USP49: variants seen among roughly 807,000 people sequenced by gnomAD.
The protein encoded by USP49 is ubiquitin carboxyl-terminal hydrolase 49.
A neutral mutation model predicts 58.6 loss-of-function variants in USP49; 24 were observed. The ratio of observed to expected loss-of-function variants is 0.41; its 90% confidence interval spans 0.30 to 0.58. USP49 has a LOEUF of 0.58. Ranked by LOEUF, USP49 falls within the 20% of genes least tolerant of loss-of-function variation. The pLI, the probability that USP49 is intolerant of heterozygous loss-of-function variation, is 0.30. For synonymous variants in USP49, 408 were observed against 365.1 expected (o/e 1.12, Z -1.34); for missense variants, 703 against 866.1 (o/e 0.81, Z 2.36).
At chr6:41,861,767 C>T (rs1233281873) in intron 3 of USP49, among the ~76,000 whole-genome samples, 4 of 150,732 alleles carry the variant, frequency 2.7e-5, no homozygotes, top group South Asian at 2.1e-4. Flanking sequence ...GCAGTGATCT[C>T]GGCTCACTGC....
At chr6:41,873,612 C>CA (rs1301587285) in intron 2 of USP49, among the ~76,000 whole-genome samples, 2 of 152,090 alleles carry the variant, frequency 1.3e-5, no homozygotes, top group African/African-American at 4.8e-5. Flanking sequence ...ATAAGAACAC[C>CA]AAAAAATTTA....
intron 7 of USP49, chr6:41,797,868 C>T (rs530523216): frequency 1.3e-5 from 12 of 941,668 alleles, no homozygotes; most frequent in African/African-American, 1.1e-4. Context: ...GGCAACTGCT[C>T]TTCTTATTTA....
intron 5 of USP49, among the ~76,000 whole-genome samples, chr6:41,802,475 AT>A (rs1326428600): frequency 4.5e-5 from 3 of 66,642 alleles, no homozygotes; most frequent in Admixed American, 1.7e-4. Context: ...TTTATTTTTT[AT>A]TTATTTTTTT....
intron 3 of USP49, among the ~76,000 whole-genome samples, chr6:41,831,493 T>C (rs1773633953): frequency 6.6e-6 from 1 of 151,440 alleles, no homozygotes; most frequent in Admixed American, 6.6e-5. Flanking sequence ...AGCAGGAGAA[T>C]TGCTTGAACC....
intron 2 of USP49, among the ~76,000 whole-genome samples, chr6:41,879,638 A>G (rs1246625064): frequency 6.6e-6 from 1 of 152,206 alleles, no homozygotes; most frequent in African/African-American, 2.4e-5. Flanking sequence ...ATTACTAGAG[A>G]GACTCTGGAC....
chr6:41,806,437 CCTT>C lies in USP49; in HGVS notation c.544_546del (p.Lys182del). 1.3e-6 allele frequency: 2 copies of C among 1,585,604 alleles called. No homozygotes were observed. Among genetic ancestry groups the C allele is most frequent in the Non-Finnish European group, 8.5e-7 (1 of 1,174,328 alleles). ...TCGCGCCGCCGCCTCCGCGCCTCCTCCTTCTTGCGCTCCAGGGCCTCCTCCTGC... is the reference window on the plus strand; with the variant it reads ...TCGCGCCGCCGCCTCCGCGCCTCCTCCTTGCGCTCCAGGGCCTCCTCCTGC... On this transcript the variant is annotated inframe_deletion, in exon 4 of 8. Coordinates refer to ENST00000682992, the MANE Select transcript of USP49 (RefSeq NM_001286554.2). The surrounding 1 kb of genome is among the most constrained non-coding windows in gnomAD (Gnocchi z 5.9).
intron 4 of USP49, 62 bp from the exon 5 acceptor site, chr6:41,804,072 C>A: frequency 6.7e-7 from 1 of 1,496,968 alleles, no homozygotes; most frequent in Non-Finnish European, 9.1e-7. Context: ...TACAGTTTTA[C>A]TTGCTTCATA....
intron 5 of USP49, among the ~76,000 whole-genome samples, chr6:41,802,468 A>ATTT (rs1178634996): frequency 8.1e-5 from 6 of 73,926 alleles, no homozygotes; most frequent in East Asian, 3.8e-4. Context: ...TTATTTATTT[A>ATTT]TTTTTTATTT....
chr6:41,818,810 C>T (rs950584730), intron 3 of USP49, among the ~76,000 whole-genome samples: 1 of 152,166 alleles, frequency 6.6e-6, no homozygotes, highest in African/African-American at 2.4e-5. Context: ...ATCTCATTTG[C>T]TAACTCTTCC....
intron 3 of USP49, among the ~76,000 whole-genome samples, chr6:41,866,904 T>C (rs982618564): frequency 6.6e-6 from 1 of 152,096 alleles, no homozygotes; most frequent in African/African-American, 2.4e-5. Flanking sequence ...TTGAAAGATA[T>C]GTGCAATAAG....
intron 3 of USP49, among the ~76,000 whole-genome samples, chr6:41,823,217 G>A (rs931509218): frequency 7.9e-5 from 12 of 152,192 alleles, no homozygotes; most frequent in African/African-American, 2.9e-4. Flanking sequence ...GTGGGATGGA[G>A]ATGGAAAGGA....
Position 41,798,793 on chromosome 6 carries a change from C to T in USP49, c.1807G>A (p.Val603Met). The T allele has an allele frequency of 6.2e-7, 1 of 1,614,036 alleles. No individual in the cohort carries two copies. The highest frequency in any genetic ancestry group is 8.5e-7 in the Non-Finnish European group (1 of 1,180,018). ...KETFAYDLSA[V>M]VMHHGKGFGS... ...AACCCTTTCCCGTGATGCATGACCA[C>T]TGCGGAGAGATCATAGGCAAAGGTC... The change falls in exon 7 of 8, where the codon GTG (valine) becomes ATG (methionine). Residue 603 changes from valine to methionine, a missense_variant. Transcript: ENST00000682992.
chr6:41,802,874 A>C (rs1284497800), intron 5 of USP49, among the ~76,000 whole-genome samples: 5 of 152,200 alleles, frequency 3.3e-5, no homozygotes, highest in Non-Finnish European at 1.5e-5. Flanking sequence ...CAGACAACAC[A>C]GAAATACTTC....
chr6:41,821,374 A>G (rs899613388), intron 3 of USP49, among the ~76,000 whole-genome samples: 2 of 152,164 alleles, frequency 1.3e-5, no homozygotes, highest in Non-Finnish European at 2.9e-5. Context: ...TTTCCTGATT[A>G]TCTCTGTCTT....
chr6:41,888,352 G>A (rs1774753100), intron 2 of USP49, among the ~76,000 whole-genome samples: 2 of 151,264 alleles, frequency 1.3e-5, no homozygotes, highest in Admixed American at 6.6e-5. Context: ...CACTGTGCCT[G>A]GCCTACAATC....
chr6:41,828,534 C>A (rs1415156340), intron 3 of USP49, among the ~76,000 whole-genome samples: 1 of 152,082 alleles, frequency 6.6e-6, no homozygotes, highest in Non-Finnish European at 1.5e-5. Context: ...ATTACATATT[C>A]CAAGAGATCA....
intron 3 of USP49, among the ~76,000 whole-genome samples, chr6:41,849,191 A>C (rs1773976388): frequency 6.6e-6 from 1 of 152,198 alleles, no homozygotes; most frequent in East Asian, 1.9e-4. Flanking sequence ...AATAGATTTT[A>C]AATAAAAAAC....
At chr6:41,802,455 T>C (rs1427492027) in intron 5 of USP49, among the ~76,000 whole-genome samples, 3 of 95,024 alleles carry the variant, frequency 3.2e-5, no homozygotes, top group Admixed American at 1.3e-4. Flanking sequence ...TTTATTTATT[T>C]ATTTATTTAT....
chr6:41,851,379 A>C (rs563328274), intron 3 of USP49, among the ~76,000 whole-genome samples: 16 of 152,332 alleles, frequency 1.1e-4, no homozygotes, highest in African/African-American at 3.8e-4. Flanking sequence ...ATAAGGACAA[A>C]AAGATGACCA....
Sources: gnomAD v4.1 joint callset for allele counts (sites outside exome capture counted in the v4.1 genomes callset) on GRCh38, gnomAD v4.1.1 for gene constraint, Gnocchi (gnomAD v3.1) non-coding constraint, MANE v1.5 for transcripts, NCBI Gene and HGNC (gene_info 2026-07-23, HGNC 2026-07-21) for gene names.